FREM1: variants seen among roughly 807,000 people sequenced by gnomAD.
FREM1 encodes the protein FRAS1-related extracellular matrix protein 1.
In FREM1, 220 loss-of-function variants were observed where a neutral mutation model predicts 210.1. That is an observed-to-expected ratio of 1.05 (90% confidence interval 0.94 to 1.17). The LOEUF (loss-of-function observed/expected upper bound fraction) is 1.17, where lower values mean the gene tolerates loss of function less well. Ranked by LOEUF, FREM1 falls within the 50% of genes most tolerant of loss-of-function variation. The pLI, the probability that FREM1 is intolerant of heterozygous loss-of-function variation, is 0.00. For synonymous variants in FREM1, 1,189 were observed against 980.2 expected, an observed-to-expected ratio of 1.21 and a Z score of -3.98; for missense variants, 3,454 against 2,675.5, an observed-to-expected ratio of 1.29 and a Z score of -6.42.
At chr9:14,849,394 G>A (rs1827252329) in intron 6 of FREM1, among the ~76,000 whole-genome samples, 1 of 152,144 alleles carries the variant, frequency 6.6e-6, no homozygotes, top group African/African-American at 2.4e-5. Flanking sequence ...TTGCTTTCAT[G>A]AAATTCATAA....
chr9:14,849,402 T>C (rs1042499818), intron 6 of FREM1, among the ~76,000 whole-genome samples: 3 of 152,234 alleles, frequency 2.0e-5, no homozygotes, highest in African/African-American at 7.2e-5. Context: ...ATGAAATTCA[T>C]AACTAATAAG....
chr9:14,845,941 A>C lies in FREM1; in HGVS notation c.1393+19T>G, dbSNP rs1826522872. Reference sequence around the variant, plus strand: ...ATACTTTTGGATTCTTTGCTAGGTTACCAAGTTGGATCATTCACCTCTTAA... The same window carrying C: ...ATACTTTTGGATTCTTTGCTAGGTTCCCAAGTTGGATCATTCACCTCTTAA... On this transcript the variant is annotated intron_variant, in intron 8 of 36. Coordinates refer to ENST00000380880, the MANE Select transcript of FREM1 (RefSeq NM_001379081.2). The C allele has an allele frequency of 6.2e-7, 1 of 1,612,786 alleles. No individual in the cohort carries two copies. Among genetic ancestry groups the C allele is most frequent in the Non-Finnish European group, 8.5e-7 (1 of 1,179,144 alleles).
Position 14,765,880 on chromosome 9 carries a change from C to T in FREM1, c.5204+3844G>A, listed in dbSNP as rs188404637. ...CCAGTGGGCACAAGAAAGAGGTCCA[C>T]GTAGAAGCTGTATTAGGAAAACAAC... On this transcript the variant is annotated intron_variant, in intron 27 of 36. Coordinates refer to ENST00000380880, the MANE Select transcript of FREM1 (RefSeq NM_001379081.2). Among the ~76,000 whole-genome samples, 12 of 152,318 alleles carry T rather than the reference C, an allele frequency of 7.9e-5. No individual in the cohort carries two copies. The East Asian group carries it at 2.1e-3, about 27-fold the overall frequency.
rs910746149 is a variant in FREM1 at position 14,782,358 on chromosome 9, C to T, written c.4442+2012G>A. 6.9e-5 allele frequency: 68 copies of T among 982,654 alleles called. 1 individual carries two copies. Among genetic ancestry groups the T allele is most frequent in the Admixed American group, 6.1e-5 (1 of 16,266 alleles). 60.9% of individuals were successfully genotyped at this position (982,654 alleles called of 1,614,324 possible). A position where few individuals can be genotyped will look rare whatever the true frequency, so the allele number is the denominator to read the frequency against. ...GGTTTTGTTCTTTATTCTCACCATT[C>T]GATTAATATCTAACCTTCATTTCTG... On this transcript the variant is annotated intron_variant, in intron 24 of 36. Coordinates refer to ENST00000380880, the MANE Select transcript of FREM1 (RefSeq NM_001379081.2).
chr9:14,837,015 A>G (rs1824752437), intron 10 of FREM1, among the ~76,000 whole-genome samples: 1 of 152,204 alleles, frequency 6.6e-6, no homozygotes, highest in Non-Finnish European at 1.5e-5. Flanking sequence ...CAGGTGGGCA[A>G]CCTTTGATAT....
intron 25 of FREM1, among the ~76,000 whole-genome samples, chr9:14,775,143 G>A (rs982744552): frequency 6.6e-6 from 1 of 152,136 alleles, no homozygotes; most frequent in Admixed American, 6.5e-5. Flanking sequence ...CAATGCTGTA[G>A]GCATGTTTTT....
chr9:14,861,558 G>T (rs973063200), intron 3 of FREM1, among the ~76,000 whole-genome samples: 1 of 142,920 alleles, frequency 7.0e-6, no homozygotes, highest in Non-Finnish European at 1.5e-5. Flanking sequence ...CCAGGCTGGA[G>T]TGCAGTGCTG....
intron 10 of FREM1, among the ~76,000 whole-genome samples, chr9:14,827,370 T>G (rs1475618187): frequency 6.6e-6 from 1 of 152,200 alleles, no homozygotes; most frequent in Non-Finnish European, 1.5e-5. Context: ...TCTAACACGT[T>G]ATGTAAGGCA....
chr9:14,781,250 T>A (rs1000179580), intron 24 of FREM1, among the ~76,000 whole-genome samples: 2 of 151,322 alleles, frequency 1.3e-5, no homozygotes, highest in African/African-American at 4.9e-5. Context: ...AAATAACATA[T>A]AAAAAAAGTC....
chr9:14,864,383 A>G (rs1831137711), intron 2 of FREM1, among the ~76,000 whole-genome samples: 1 of 152,054 alleles, frequency 6.6e-6, no homozygotes, highest in African/African-American at 2.4e-5. Flanking sequence ...TTTTCCGAAT[A>G]GTATTCTCAT....
chr9:14,859,162 A>G lies in FREM1; in HGVS notation c.631+21T>C, dbSNP rs1829337485. The G allele has an allele frequency of 2.6e-6, 4 of 1,524,942 alleles. No homozygotes were observed. In the East Asian group the frequency reaches 9.1e-5, roughly 35 times the overall value. 94.5% of individuals were successfully genotyped at this position (1,524,942 alleles called of 1,614,324 possible). A position where few individuals can be genotyped will look rare whatever the true frequency, so the allele number is the denominator to read the frequency against. ...TTGTCAGTTTTGGTAATACCCAGAA[A>G]GGCATTAAAAGACATCATACGGGAC... On this transcript the variant is annotated intron_variant, in intron 4 of 36. Transcript: ENST00000380880.
chr9:14,780,986 C>T (rs538910358), intron 24 of FREM1, among the ~76,000 whole-genome samples: 13 of 152,284 alleles, frequency 8.5e-5, no homozygotes, highest in Non-Finnish European at 5.9e-5. Context: ...TGTAAAACTG[C>T]TGGCCAAATA....
At chr9:14,833,279 C>G (rs1823918269) in intron 10 of FREM1, among the ~76,000 whole-genome samples, 1 of 152,120 alleles carries the variant, frequency 6.6e-6, no homozygotes, top group Non-Finnish European at 1.5e-5. Flanking sequence ...GCCATGGTTT[C>G]TAATCTTGTG....
At chr9:14,771,531 C>T (rs916526892) in intron 25 of FREM1, among the ~76,000 whole-genome samples, 2 of 152,074 alleles carry the variant, frequency 1.3e-5, no homozygotes, top group East Asian at 1.9e-4. Flanking sequence ...TCAGTCTGTA[C>T]GGAGCTCAGT....
rs576493227 is a variant in FREM1 at position 14,836,245 on chromosome 9, T to C, written c.1881+5202A>G. Among the ~76,000 whole-genome samples the C allele has an allele frequency of 5.9e-4, 90 of 152,370 alleles. No homozygotes were observed. The highest frequency in any genetic ancestry group is 2.1e-3 in the African/African-American group (87 of 41,600). On this transcript the variant is annotated intron_variant, in intron 10 of 36. Transcript: ENST00000380880. The surrounding 1 kb of genome is among the most constrained non-coding windows in gnomAD (Gnocchi z 4.9). ...CTATTTGCAATAGGGTTATACACGGTAGCACCTTCAAACTAAAATATTGGA... is the reference window on the plus strand; with the variant it reads ...CTATTTGCAATAGGGTTATACACGGCAGCACCTTCAAACTAAAATATTGGA...
chr9:14,819,902 G>A (rs529018502), intron 13 of FREM1, among the ~76,000 whole-genome samples: 1 of 152,158 alleles, frequency 6.6e-6, no homozygotes, highest in African/African-American at 2.4e-5. Flanking sequence ...TAAAGGCTTG[G>A]GAAATGGATT....
chr9:14,823,749 C>A (rs1423788030), intron 12 of FREM1, among the ~76,000 whole-genome samples: 1 of 152,120 alleles, frequency 6.6e-6, no homozygotes, highest in Non-Finnish European at 1.5e-5. Flanking sequence ...AACGTATACA[C>A]CAGATACCCA....
At chr9:14,773,963 TA>T (rs56026840) in intron 25 of FREM1, 15 of 413,942 alleles carry the variant, frequency 3.6e-5, no homozygotes, top group Admixed American at 8.1e-5. Context: ...GAGTTAGGAA[TA>T]AAAAAAAGAC....
At chr9:14,799,569 G>C (rs947823437) in intron 20 of FREM1, among the ~76,000 whole-genome samples, 1 of 151,496 alleles carries the variant, frequency 6.6e-6, no homozygotes, top group African/African-American at 2.4e-5. Flanking sequence ...TATTTAACTA[G>C]ATAATAACCA....
Sources: allele counts gnomAD v4.1 joint callset (sites outside exome capture counted in the v4.1 genomes callset), GRCh38; gene constraint gnomAD v4.1.1; non-coding constraint Gnocchi (gnomAD v3.1); transcripts MANE v1.5; gene names NCBI Gene and HGNC (gene_info 2026-07-23, HGNC 2026-07-21).